Variants in CEP89 observed in about 807,000 individuals in gnomAD.
CEP89 encodes centrosomal protein of 89 kDa.
Under a neutral mutation model 97.6 loss-of-function variants are expected in CEP89, and 95 were observed. That is an observed-to-expected ratio of 0.97 (90% confidence interval 0.82 to 1.15). CEP89 has a LOEUF of 1.15. CEP89 is among the 50% of genes most tolerant of loss of function. CEP89 has a pLI of 0.00. For synonymous variants in CEP89, 354 were observed against 349.1 expected, an observed-to-expected ratio of 1.01 and a Z score of -0.16; for missense variants, 869 against 947.7, an observed-to-expected ratio of 0.92 and a Z score of 1.09.
intron 3 of CEP89, among the ~76,000 whole-genome samples, chr19:32,958,073 C>G (rs1407099727): frequency 6.7e-6 from 1 of 150,154 alleles, no homozygotes; most frequent in Non-Finnish European, 1.5e-5. Context: ...GTGGGTCAGA[C>G]CATCTCCTCT....
intron 7 of CEP89, chr19:32,937,195 A>G (rs1970596952): frequency 5.1e-6 from 1 of 196,412 alleles, no homozygotes; most frequent in Non-Finnish European, 1.0e-5. Flanking sequence ...CATAACCCAT[A>G]AAGCATCTCT....
chr19:32,922,878 A>G (rs1467914934), intron 12 of CEP89, among the ~76,000 whole-genome samples: 1 of 151,832 alleles, frequency 6.6e-6, no homozygotes, highest in Non-Finnish European at 1.5e-5. Context: ...AACAGAGACA[A>G]GGGAGCAATA....
intron 14 of CEP89, among the ~76,000 whole-genome samples, chr19:32,905,373 G>C (rs769992507): frequency 6.6e-6 from 1 of 152,128 alleles, no homozygotes. Flanking sequence ...TTAGATTAAG[G>C]AGCATTAATT....
At chr19:32,947,202 T>A (rs1014529796) in intron 5 of CEP89, among the ~76,000 whole-genome samples, 1 of 152,126 alleles carries the variant, frequency 6.6e-6, no homozygotes, top group African/African-American at 2.4e-5. Context: ...AGCCACCTCT[T>A]AGGAAACTGA....
At chr19:32,891,599 CAAAT>C (rs1969518645) in intron 16 of CEP89, among the ~76,000 whole-genome samples, 1 of 151,628 alleles carries the variant, frequency 6.6e-6, no homozygotes. Context: ...TAACAGAACA[CAAAT>C]AAACACTATA....
intron 6 of CEP89, 38 bp downstream of exon 6, chr19:32,939,819 T>G (rs762960204): frequency 1.1e-6 from 1 of 949,840 alleles, no homozygotes; most frequent in Admixed American, 2.4e-5. Flanking sequence ...AAAACTCTAT[T>G]TATTGAGAAA....
At chr19:32,908,092 C>T (rs1969925841) in intron 14 of CEP89, among the ~76,000 whole-genome samples, 1 of 152,232 alleles carries the variant, frequency 6.6e-6, no homozygotes, top group South Asian at 2.1e-4. Flanking sequence ...TGTGAGCACA[C>T]TCTGTGATAC....
At chr19:32,890,823 C>T (rs1488675362) in intron 16 of CEP89, among the ~76,000 whole-genome samples, 1 of 152,126 alleles carries the variant, frequency 6.6e-6, no homozygotes, top group African/African-American at 2.4e-5. Context: ...CGCTGGGTCC[C>T]ACACTGACCC....
intron 2 of CEP89, among the ~76,000 whole-genome samples, chr19:32,961,845 T>C (rs897666359): frequency 6.6e-6 from 1 of 151,770 alleles, no homozygotes. Context: ...GGTCTCAATA[T>C]GTTCTCCAGG....
intron 17 of CEP89, 71 bp from the exon 18 acceptor site, chr19:32,882,084 G>C (rs1461377723): frequency 2.2e-6 from 3 of 1,335,032 alleles, no homozygotes; most frequent in Non-Finnish European, 3.1e-6. Context: ...TCCTGGCTGT[G>C]CTCCCTACCC....
rs2145939597 is a variant in CEP89, at chr19:32,939,848, T to A, written c.624+9A>T. 2 of 1,205,654 alleles carry A rather than the reference T, an allele frequency of 1.7e-6. No individual in the cohort carries two copies. Among genetic ancestry groups the A allele is most frequent in the Non-Finnish European group, 2.4e-6 (2 of 839,752 alleles). 74.7% of individuals were successfully genotyped at this position (1,205,654 alleles called of 1,614,324 possible). On this transcript the variant is annotated intron_variant, in intron 6 of 18. Transcript: ENST00000305768. ...TGAGAAAATCAGTTTTTAAAAAAAATGATCTTACCTTTAAATTCAGAACAG... is the reference window on the plus strand; with the variant it reads ...TGAGAAAATCAGTTTTTAAAAAAAAAGATCTTACCTTTAAATTCAGAACAG...
intron 3 of CEP89, among the ~76,000 whole-genome samples, 163 bp from the exon 4 acceptor site, chr19:32,953,964 G>T (rs1372822343): frequency 6.6e-6 from 1 of 151,128 alleles, no homozygotes; most frequent in African/African-American, 2.4e-5. Context: ...CGCCTCGTGG[G>T]TTCACGCCAT....
At chr19:32,957,431 C>A (rs1409561180) in intron 3 of CEP89, among the ~76,000 whole-genome samples, 1 of 152,016 alleles carries the variant, frequency 6.6e-6, no homozygotes, top group African/African-American at 2.4e-5. Flanking sequence ...CTTTGGGAGG[C>A]CAAGGAGAGA....
chr19:32,943,391 T>C (rs1352584926), intron 5 of CEP89, among the ~76,000 whole-genome samples: 1 of 152,178 alleles, frequency 6.6e-6, no homozygotes, highest in South Asian at 2.1e-4. Flanking sequence ...AATTCACCCA[T>C]GACCATAATC....
intron 3 of CEP89, among the ~76,000 whole-genome samples, chr19:32,956,257 T>C (rs1971046478): frequency 1.3e-5 from 2 of 151,984 alleles, no homozygotes; most frequent in East Asian, 1.9e-4. Context: ...GGTTTCACCA[T>C]GTTGGCCAGG....
intron 2 of CEP89, among the ~76,000 whole-genome samples, chr19:32,962,518 G>C (rs533155378): frequency 1.3e-5 from 2 of 152,124 alleles, no homozygotes; most frequent in Non-Finnish European, 2.9e-5. Context: ...AACACTTCTA[G>C]AAGAAAATAT....
intron 7 of CEP89, among the ~76,000 whole-genome samples, chr19:32,935,058 T>C (rs1175992093): frequency 6.6e-6 from 1 of 152,232 alleles, no homozygotes; most frequent in Non-Finnish European, 1.5e-5. Flanking sequence ...TTAACCCACC[T>C]GACCCAGGCA....
intron 1 of CEP89, chr19:32,971,534 G>T: frequency 1.8e-6 from 1 of 570,510 alleles, no homozygotes; most frequent in Non-Finnish European, 3.1e-6. Context: ...GCGCGCGCCT[G>T]TAGTCTCAGC....
At position 32,913,904 on chromosome 19, in the gene CEP89, G is replaced by A. The variant is rs540084071; in HGVS notation, c.1565+1433C>T. Among the ~76,000 whole-genome samples, 100 of 152,206 alleles carry A rather than the reference G, an allele frequency of 6.6e-4. 1 individual carries two copies. Among genetic ancestry groups the A allele is most frequent in the Admixed American group, 3.2e-3 (49 of 15,294 alleles). On this transcript the variant is annotated intron_variant, in intron 14 of 18. Coordinates refer to ENST00000305768, the MANE Select transcript of CEP89 (RefSeq NM_032816.5). ...ACCACCCGCCTCGGCCTCCCAAAGT[G>A]CTGGGATTACAAGTGTGAGCCACCG...
Sources: gnomAD v4.1 joint callset for allele counts (sites outside exome capture counted in the v4.1 genomes callset) on GRCh38, gnomAD v4.1.1 for gene constraint, MANE v1.5 for transcripts, NCBI Gene and HGNC (gene_info 2026-07-23, HGNC 2026-07-21) for gene names.